Variants in RANBP3 observed in about 807,000 individuals in gnomAD.
The protein encoded by RANBP3 is ran-binding protein 3.
A neutral mutation model predicts 77.3 loss-of-function variants in RANBP3; 14 were observed. The observed-to-expected ratio is 0.18, with a 90% confidence interval of 0.12 to 0.28. The LOEUF (loss-of-function observed/expected upper bound fraction) is 0.28, where lower values mean the gene tolerates loss of function less well. Ranked by LOEUF, RANBP3 falls within the 10% of genes least tolerant of loss-of-function variation. RANBP3 has a pLI of 1.00. For missense variants in RANBP3, 586 were observed against 752.3 expected (o/e 0.78, Z 2.59); for synonymous variants, 315 against 312.4 (o/e 1.01, Z -0.09).
rs529764731 is a variant in RANBP3, at chr19:5,925,295, C to T, written c.917+339G>A. ...GGTGCCCAAACCCAGAATAAGGGGGCGCCTGAGTCGCCTCTGGCCTGCTCT... is the reference window on the plus strand; with the variant it reads ...GGTGCCCAAACCCAGAATAAGGGGGTGCCTGAGTCGCCTCTGGCCTGCTCT... On this transcript the variant is annotated intron_variant, in intron 10 of 16. Transcript: ENST00000340578. 7.8e-5 allele frequency: 37 copies of T among 475,052 alleles called. No individual in the cohort carries two copies. The East Asian group carries it at 1.3e-3, about 17-fold the overall frequency. 29.4% of individuals were successfully genotyped at this position (475,052 alleles called of 1,614,324 possible).
intron 9 of RANBP3, among the ~76,000 whole-genome samples, chr19:5,927,169 CTGTGG>C (rs2057922491): frequency 6.6e-6 from 1 of 152,180 alleles, no homozygotes; most frequent in Non-Finnish European, 1.5e-5. Context: ...CATTCCATGT[CTGTGG>C]CTGGGAAAGG....
intron 2 of RANBP3, among the ~76,000 whole-genome samples, chr19:5,951,983 G>A (rs2058282419): frequency 6.6e-6 from 1 of 152,206 alleles, no homozygotes; most frequent in Non-Finnish European, 1.5e-5. Context: ...CTGAAGTGGG[G>A]GAGCTGGCCA....
chr19:5,944,130 TTA>T (rs1240599950), intron 3 of RANBP3, among the ~76,000 whole-genome samples: 1 of 152,190 alleles, frequency 6.6e-6, no homozygotes, highest in African/African-American at 2.4e-5. Flanking sequence ...GAGCAGATGA[TTA>T]TAATGCTCGT....
chr19:5,953,732 T>C (rs1405688753), intron 2 of RANBP3, among the ~76,000 whole-genome samples: 1 of 152,200 alleles, frequency 6.6e-6, no homozygotes, highest in Non-Finnish European at 1.5e-5. Context: ...AGGTTTCATT[T>C]TTGCCCCGGA....
chr19:5,939,167 AAG>A (rs2145126871), intron 5 of RANBP3, among the ~76,000 whole-genome samples: 1 of 152,324 alleles, frequency 6.6e-6, no homozygotes, highest in Non-Finnish European at 1.5e-5. Context: ...CCTGGGCAAA[AAG>A]AGTGAAAGTC....
intron 8 of RANBP3, among the ~76,000 whole-genome samples, chr19:5,930,502 A>C (rs1195165223): frequency 3.3e-5 from 5 of 152,248 alleles, no homozygotes; most frequent in African/African-American, 1.2e-4. Flanking sequence ...AAAGGCCCTT[A>C]TTTCACAGTG....
chr19:5,925,811 AC>A, intron 9 of RANBP3, 74 bp from the exon 10 acceptor site: 1 of 1,247,516 alleles, frequency 8.0e-7, no homozygotes, highest in Non-Finnish European at 1.2e-6. Flanking sequence ...GTGTCTGCAG[AC>A]CCCCTGAGCT....
intron 10 of RANBP3, chr19:5,925,305 G>A (rs1354203415): frequency 4.1e-6 from 2 of 488,600 alleles, no homozygotes; most frequent in East Asian, 3.8e-5. Flanking sequence ...CGCCTGAGTC[G>A]CCTCTGGCCT....
At chr19:5,928,884 G>A (rs972296528) in intron 8 of RANBP3, among the ~76,000 whole-genome samples, 7 of 152,216 alleles carry the variant, frequency 4.6e-5, no homozygotes, top group South Asian at 2.1e-4. Flanking sequence ...AAAAGGTGTT[G>A]TAGAATTTGA....
chr19:5,920,056 C>T (rs2057797771), intron 14 of RANBP3, among the ~76,000 whole-genome samples: 1 of 152,110 alleles, frequency 6.6e-6, no homozygotes, highest in South Asian at 2.1e-4. Flanking sequence ...GGGCCTGAAA[C>T]CCATATTTAT....
chr19:5,953,078 C>G (rs1001006669), intron 2 of RANBP3, among the ~76,000 whole-genome samples: 7 of 152,302 alleles, frequency 4.6e-5, no homozygotes, highest in Middle Eastern at 3.4e-3. Flanking sequence ...AAATGCTAAA[C>G]AGGAGGACCA....
At chr19:5,963,544 T>C (rs887268350) in intron 1 of RANBP3, among the ~76,000 whole-genome samples, 1 of 152,134 alleles carries the variant, frequency 6.6e-6, no homozygotes, top group African/African-American at 2.4e-5. Flanking sequence ...GAGTGAGACC[T>C]TGTCTCAAAA....
rs1018220775 is a variant in RANBP3, at chr19:5,921,680, T to C, written c.1210-359A>G. Among the ~76,000 whole-genome samples, 2 of 152,196 alleles carry C rather than the reference T, an allele frequency of 1.3e-5. No homozygotes were observed. Among genetic ancestry groups the C allele is most frequent in the African/African-American group, 2.4e-5 (1 of 41,436 alleles). Reference sequence around the variant, plus strand: ...AGAGTCTGGCGGCTCCTCAAACTGCTTAACAAGGAATTACCACATGCCCAA... The same window carrying C: ...AGAGTCTGGCGGCTCCTCAAACTGCCTAACAAGGAATTACCACATGCCCAA... On this transcript the variant is annotated intron_variant, in intron 13 of 16. Transcript: ENST00000340578. This position sits in a 1 kb window ranked among gnomAD's most constrained non-coding sequence, Gnocchi z 5.3.
intron 2 of RANBP3, among the ~76,000 whole-genome samples, chr19:5,953,299 A>C (rs2058297248): frequency 6.6e-6 from 1 of 152,194 alleles, no homozygotes; most frequent in South Asian, 2.1e-4. Flanking sequence ...AACTAAGGTG[A>C]AGCCTGGAGT....
Position 5,958,498 on chromosome 19 carries a change from T to G in RANBP3, c.23-525A>C, listed in dbSNP as rs1024737414. Among the ~76,000 whole-genome samples the G allele has an allele frequency of 6.6e-6, 1 of 151,988 alleles. No individual in the cohort carries two copies. Among genetic ancestry groups the G allele is most frequent in the Non-Finnish European group, 1.5e-5 (1 of 68,010 alleles). On this transcript the variant is annotated intron_variant, in intron 1 of 16. Transcript: ENST00000340578. This position sits in a 1 kb window ranked among gnomAD's most constrained non-coding sequence, Gnocchi z 4.4. The stretch of plus-strand genomic sequence containing the variant: ...GGTTGGGAGGAAAGGATGTCTGGAG[T>G]TGCTAGAGGCCTGAGAGTCCATCTT...
chr19:5,976,531 G>C (rs1432448292), intron 1 of RANBP3: 1 of 152,156 alleles, frequency 6.6e-6, no homozygotes, highest in Non-Finnish European at 1.5e-5. Context: ...AGATCACGAG[G>C]TCAGGAGATG....
chr19:5,919,755 G>T (rs932678324), intron 14 of RANBP3, among the ~76,000 whole-genome samples: 2 of 152,124 alleles, frequency 1.3e-5, no homozygotes, highest in African/African-American at 4.8e-5. Flanking sequence ...AAAAAAATTA[G>T]CCAGGCTTGG....
intron 1 of RANBP3, among the ~76,000 whole-genome samples, chr19:5,977,502 G>A (rs1294261655): frequency 6.6e-6 from 1 of 152,196 alleles, no homozygotes; most frequent in Non-Finnish European, 1.5e-5. Context: ...GGGGGGAACT[G>A]GCGGGAAGTG....
intron 1 of RANBP3, among the ~76,000 whole-genome samples, chr19:5,974,845 GA>G (rs781771454): frequency 7.2e-5 from 11 of 152,138 alleles, no homozygotes; most frequent in Non-Finnish European, 1.2e-4. Context: ...GCGGTTTCAG[GA>G]AAGTTCCCCA....
Sources: gnomAD v4.1 joint callset for allele counts (sites outside exome capture counted in the v4.1 genomes callset) on GRCh38, gnomAD v4.1.1 for gene constraint, Gnocchi (gnomAD v3.1) non-coding constraint, MANE v1.5 for transcripts, NCBI Gene and HGNC (gene_info 2026-07-23, HGNC 2026-07-21) for gene names.